The following ERBB4 variants were observed in gnomAD, a reference collection of about 807,000 sequenced individuals.
ERBB4 encodes the protein receptor tyrosine-protein kinase erbB-4.
Under a neutral mutation model 158.0 loss-of-function variants are expected in ERBB4, and 42 were observed. That is an observed-to-expected ratio of 0.27 (90% CI 0.21 to 0.34). ERBB4 has a LOEUF of 0.34. ERBB4 is among the 10% of genes least tolerant of loss of function. The pLI is 1.00. For missense variants in ERBB4, 1,333 were observed against 1,624.1 expected, an observed-to-expected ratio of 0.82 and a Z score of 3.08; for synonymous variants, 583 against 558.7, an observed-to-expected ratio of 1.04 and a Z score of -0.61.
At chr2:212,088,773 T>C (rs188573828) in intron 2 of ERBB4, among the ~76,000 whole-genome samples, 1 of 152,276 alleles carries the variant, frequency 6.6e-6, no homozygotes, top group East Asian at 1.9e-4. Flanking sequence ...CTTTTATGTG[T>C]CTGAATTCTA....
chr2:211,830,960 T>C (rs868367431), intron 3 of ERBB4, among the ~76,000 whole-genome samples: 9 of 151,682 alleles, frequency 5.9e-5, no homozygotes, highest in South Asian at 2.1e-4. Flanking sequence ...ACTTAACATA[T>C]ACCAGGATGA....
chr2:212,129,610 C>A (rs111323089), intron 1 of ERBB4, among the ~76,000 whole-genome samples: 5 of 151,850 alleles, frequency 3.3e-5, no homozygotes, highest in African/African-American at 9.6e-5. Context: ...ATTTATAACT[C>A]GTACTCAGAA....
At position 211,608,034 on chromosome 2, in the gene ERBB4, C is replaced by CT. The variant is rs1030873534; in HGVS notation, c.2301+11142dup. ...AGCCACCATGCTCAGGCTCCAGAAT[C>CT]TTTTTTTTTTTAAATAAATTCAGAG... On this transcript the variant is annotated intron_variant, in intron 19 of 27. Coordinates refer to ENST00000342788, the MANE Select transcript of ERBB4 (RefSeq NM_005235.3). 1.4e-3 allele frequency among the ~76,000 whole-genome samples: 208 copies of CT among 144,698 alleles called. 2 individuals are homozygous for CT. The highest frequency in any genetic ancestry group is 6.2e-3 in the South Asian group (28 of 4,500). 94.9% of individuals were successfully genotyped at this position (144,698 alleles called of 152,430 possible). A position where few individuals can be genotyped will look rare whatever the true frequency, so the allele number is the denominator to read the frequency against.
At chr2:211,941,716 CTTTT>C (rs57686734) in intron 3 of ERBB4, among the ~76,000 whole-genome samples, 2 of 132,968 alleles carry the variant, frequency 1.5e-5, no homozygotes, top group African/African-American at 2.9e-5. Flanking sequence ...ATTTGGAACA[CTTTT>C]TTTTTTTTTT....
intron 17 of ERBB4, among the ~76,000 whole-genome samples, chr2:211,628,896 T>A (rs1276867332): frequency 6.6e-6 from 1 of 152,222 alleles, no homozygotes; most frequent in Non-Finnish European, 1.5e-5. Flanking sequence ...ATTGTGGTTT[T>A]GATTTGCATT....
intron 1 of ERBB4, among the ~76,000 whole-genome samples, chr2:212,206,877 C>A (rs533031822): frequency 6.6e-6 from 1 of 151,714 alleles, no homozygotes; most frequent in East Asian, 1.9e-4. Flanking sequence ...CATGAGCCAC[C>A]GCGCCCGGCC....
At chr2:212,094,638 G>A (rs1429235396) in intron 2 of ERBB4, among the ~76,000 whole-genome samples, 2 of 152,072 alleles carry the variant, frequency 1.3e-5, no homozygotes, top group African/African-American at 2.4e-5. Flanking sequence ...CATGTGATTC[G>A]CAGGCTCCCC....
At chr2:212,035,804 T>A (rs1045438934) in intron 2 of ERBB4, among the ~76,000 whole-genome samples, 6 of 152,324 alleles carry the variant, frequency 3.9e-5, no homozygotes, top group African/African-American at 1.4e-4. Flanking sequence ...AATAAGTGAA[T>A]GGATAGGTTC....
At chr2:212,219,955 C>A (rs367704652) in intron 1 of ERBB4, among the ~76,000 whole-genome samples, 101 of 138,694 alleles carry the variant, frequency 7.3e-4, no homozygotes, top group Middle Eastern at 3.7e-3. Flanking sequence ...TATCAACCCG[C>A]AAAAAAAAAA....
intron 1 of ERBB4, among the ~76,000 whole-genome samples, chr2:212,428,920 G>T (rs2091969078): frequency 6.6e-6 from 1 of 152,144 alleles, no homozygotes; most frequent in South Asian, 2.1e-4. Context: ...CAGGGGAGGG[G>T]TTATGTGGAA....
rs140475192 is a variant in ERBB4, at chr2:211,852,132, C to T, written c.422-63973G>A. On this transcript the variant is annotated intron_variant, in intron 3 of 27. Coordinates refer to ENST00000342788, the MANE Select transcript of ERBB4 (RefSeq NM_005235.3). ...GTCAGTCTCTTTTGGGCTTTGAATGCTTCCAATATCTTCAAATTTTAATTC... is the reference window on the plus strand; with the variant it reads ...GTCAGTCTCTTTTGGGCTTTGAATGTTTCCAATATCTTCAAATTTTAATTC... Among the ~76,000 whole-genome samples, 745 of 151,972 alleles carry T rather than the reference C, an allele frequency of 4.9e-3. 8 individuals are homozygous for T. The highest frequency in any genetic ancestry group is 0.017 in the African/African-American group (693 of 41,512).
At chr2:211,473,685 A>T (rs560252576) in intron 20 of ERBB4, among the ~76,000 whole-genome samples, 5 of 152,146 alleles carry the variant, frequency 3.3e-5, no homozygotes, top group African/African-American at 9.6e-5. Flanking sequence ...CCAAATGTTT[A>T]CAGCCTGGAC....
At chr2:212,155,316 C>T (rs2081002232) in intron 1 of ERBB4, among the ~76,000 whole-genome samples, 1 of 151,642 alleles carries the variant, frequency 6.6e-6, no homozygotes, top group Non-Finnish European at 1.5e-5. Context: ...TAAAAAAGTT[C>T]AAAAGTTGGA....
chr2:211,752,152 A>G (rs2075148691), intron 4 of ERBB4, among the ~76,000 whole-genome samples: 1 of 152,136 alleles, frequency 6.6e-6, no homozygotes, highest in Admixed American at 6.6e-5. Flanking sequence ...TTAATCAGTG[A>G]TAATGATAAT....
intron 1 of ERBB4, among the ~76,000 whole-genome samples, chr2:212,518,180 T>A (rs1204901038): frequency 6.6e-6 from 1 of 152,030 alleles, no homozygotes; most frequent in East Asian, 1.9e-4. Flanking sequence ...AGCTAATTGA[T>A]AAGGAACTGA....
chr2:211,843,736 CT>C (rs1288512489), intron 3 of ERBB4, among the ~76,000 whole-genome samples: 1 of 151,378 alleles, frequency 6.6e-6, no homozygotes. Flanking sequence ...ATTGTTTTAA[CT>C]ACCAAGAAAA....
intron 1 of ERBB4, among the ~76,000 whole-genome samples, chr2:212,387,468 T>G (rs2090716930): frequency 1.3e-5 from 2 of 151,830 alleles, no homozygotes; most frequent in Admixed American, 1.3e-4. Flanking sequence ...TTTTTTTTCT[T>G]TTTTTGAGAC....
intron 17 of ERBB4, among the ~76,000 whole-genome samples, chr2:211,627,901 C>A (rs1383250414): frequency 6.6e-6 from 1 of 152,176 alleles, no homozygotes; most frequent in Non-Finnish European, 1.5e-5. Flanking sequence ...ACATTATAAT[C>A]ATTCATGAGT....
intron 1 of ERBB4, among the ~76,000 whole-genome samples, chr2:212,504,087 G>T (rs1185775307): frequency 2.0e-5 from 3 of 152,114 alleles, no homozygotes; most frequent in Non-Finnish European, 4.4e-5. Flanking sequence ...ATAGAGAGAC[G>T]AGTATTGACT....
Sources: gnomAD v4.1 joint callset for allele counts (sites outside exome capture counted in the v4.1 genomes callset) on GRCh38, gnomAD v4.1.1 for gene constraint, MANE v1.5 for transcripts, NCBI Gene and HGNC (gene_info 2026-07-23, HGNC 2026-07-21) for gene names.